Variants in PKNOX1 observed in about 807,000 individuals in gnomAD.
PKNOX1 encodes the protein PBX/knotted 1 homeobox 1.
In PKNOX1, 15 loss-of-function variants were observed where a neutral mutation model predicts 51.9. The ratio of observed to expected loss-of-function variants is 0.29; its 90% CI spans 0.19 to 0.45. The LOEUF is 0.45. Among genes scored for constraint, PKNOX1 ranks in the 20% least tolerant of loss-of-function variants. The probability of loss-of-function intolerance (pLI) is 1.00; values close to 1 mark genes in which losing one functional copy is unlikely to be tolerated. For synonymous variants in PKNOX1, 219 were observed against 211.1 expected (o/e 1.04, Z -0.32); for missense variants, 462 against 547.5 (o/e 0.84, Z 1.56).
chr21:43,008,703 C>T (rs750788013), intron 3 of PKNOX1, among the ~76,000 whole-genome samples: 4 of 151,842 alleles, frequency 2.6e-5, no homozygotes, highest in Non-Finnish European at 4.4e-5. Context: ...CACTTGAACC[C>T]GGTAGGCGGA....
At chr21:43,003,419 C>T (rs560809937) in intron 1 of PKNOX1, among the ~76,000 whole-genome samples, 3 of 152,162 alleles carry the variant, frequency 2.0e-5, no homozygotes, top group South Asian at 2.1e-4. Flanking sequence ...GTCTTATGTG[C>T]GTGTGTATAT....
chr21:42,974,921 A>T (rs1318511862), intron 1 of PKNOX1, among the ~76,000 whole-genome samples: 1 of 137,070 alleles, frequency 7.3e-6, no homozygotes, highest in Non-Finnish European at 1.6e-5. Context: ...GGGCGCGCCC[A>T]GTTGGTTTCT....
Position 43,014,070 on chromosome 21 carries a change from G to GGAGT in PKNOX1, c.522+834_522+837dup, listed in dbSNP as rs578129944. The stretch of plus-strand genomic sequence containing the variant: ...AGAGTCTCGCTCCATCACCCAGGCT[G>GGAGT]GAGTGCAGTGGCGCGATCTCGGCTT... On this transcript the variant is annotated intron_variant, in intron 5 of 10. Coordinates refer to ENST00000291547, the MANE Select transcript of PKNOX1 (RefSeq NM_004571.5). 7.1e-3 allele frequency among the ~76,000 whole-genome samples: 958 copies of GGAGT among 135,384 alleles called. 5 individuals are homozygous for GGAGT. The highest frequency in any genetic ancestry group is 0.026 in the Middle Eastern group (6 of 232). The allele number at this position is 135,384 out of a possible 152,430, so 88.8% of individuals were successfully genotyped here. A position where few individuals can be genotyped will look rare whatever the true frequency, so the allele number is the denominator to read the frequency against.
intron 5 of PKNOX1, among the ~76,000 whole-genome samples, chr21:43,013,656 T>A (rs964917630): frequency 2.6e-5 from 4 of 152,126 alleles, no homozygotes; most frequent in Non-Finnish European, 5.9e-5. Context: ...AACTTTCTCA[T>A]CTTCTCAAAC....
At chr21:42,980,585 C>T (rs1200633888) in intron 1 of PKNOX1, among the ~76,000 whole-genome samples, 5 of 152,056 alleles carry the variant, frequency 3.3e-5, no homozygotes, top group African/African-American at 9.7e-5. Flanking sequence ...GTTTGCTTGG[C>T]CTCTGGGGGC....
chr21:43,023,629 AT>A (rs11414878), intron 8 of PKNOX1, among the ~76,000 whole-genome samples: 29 of 147,972 alleles, frequency 2.0e-4, no homozygotes, highest in Middle Eastern at 3.4e-3. Context: ...TTCTGATTGG[AT>A]TTTTTTTTTT....
intron 9 of PKNOX1, 115 bp from the exon 10 acceptor site, chr21:43,028,587 G>A (rs1485626836): frequency 1.1e-6 from 1 of 919,270 alleles, no homozygotes; most frequent in African/African-American, 1.6e-5. Flanking sequence ...GAGAACTTGA[G>A]TCATTCTTTG....
At position 43,021,513 on chromosome 21, in the gene PKNOX1, C is replaced by T. The variant is rs1979753691; in HGVS notation, c.849+82C>T. On this transcript the variant is annotated intron_variant, in intron 8 of 10. Transcript: ENST00000291547. This position sits in a 1 kb window ranked among gnomAD's most constrained non-coding sequence, Gnocchi z 4.6. ...GCTTATGTGTCATGGAAAAGGGTTA[C>T]TTCTCTGGGCTCAGAAAATCAAAGG... 1.4e-6 allele frequency: 2 copies of T among 1,435,340 alleles called. No homozygotes were observed. Among genetic ancestry groups the T allele is most frequent in the Non-Finnish European group, 9.4e-7 (1 of 1,069,070 alleles). The allele number at this position is 1,435,340 out of a possible 1,614,324, so 88.9% of individuals were successfully genotyped here. A position where few individuals can be genotyped will look rare whatever the true frequency, so the allele number is the denominator to read the frequency against.
chr21:43,031,956 T>G lies in PKNOX1; in HGVS notation c.*1855T>G, dbSNP rs189999648. 4 of 311,888 alleles carry G rather than the reference T, an allele frequency of 1.3e-5. No individual in the cohort carries two copies. Among genetic ancestry groups the G allele is most frequent in the Admixed American group, 7.9e-5 (2 of 25,296 alleles). The allele number at this position is 311,888 out of a possible 1,614,324, so 19.3% of individuals were successfully genotyped here. On this transcript the variant is annotated 3_prime_UTR_variant, in exon 11 of 11. Coordinates refer to ENST00000291547, the MANE Select transcript of PKNOX1 (RefSeq NM_004571.5). ...AGCTCACTGCAACCTCCACCTCTTA[T>G]GTTCAAGCAATTCTCCTTCCTTAGC...
chr21:42,982,924 C>T (rs926499106), intron 1 of PKNOX1, among the ~76,000 whole-genome samples: 4 of 151,794 alleles, frequency 2.6e-5, no homozygotes, highest in Non-Finnish European at 4.4e-5. Flanking sequence ...ATTCTCCTGC[C>T]TCAGCCTACT....
chr21:42,993,742 TTTTTTTTTGA>T (rs753877264), intron 1 of PKNOX1, among the ~76,000 whole-genome samples: 1 of 91,072 alleles, frequency 1.1e-5, no homozygotes, highest in African/African-American at 4.3e-5. Context: ...TTTCTTTTTT[TTTTTTTTTGA>T]AACAGAGTCT....
chr21:42,994,455 G>T (rs1424445663), intron 1 of PKNOX1, among the ~76,000 whole-genome samples: 1 of 147,596 alleles, frequency 6.8e-6, no homozygotes, highest in African/African-American at 2.5e-5. Flanking sequence ...AGTATTACAG[G>T]CACGTGCCAC....
intron 1 of PKNOX1, among the ~76,000 whole-genome samples, chr21:42,992,140 T>C (rs2059091085): frequency 6.6e-6 from 1 of 152,248 alleles, no homozygotes; most frequent in African/African-American, 2.4e-5. Flanking sequence ...GCTCACCCTG[T>C]GTTTCCCATT....
At position 42,974,564 on chromosome 21, in the gene PKNOX1, G is replaced by A. The variant is rs1010665047; in HGVS notation, c.-157G>A. On this transcript the variant is annotated 5_prime_UTR_variant, in exon 1 of 11. Coordinates refer to ENST00000291547, the MANE Select transcript of PKNOX1 (RefSeq NM_004571.5). The stretch of plus-strand genomic sequence containing the variant: ...CCCTCCTCCCATTGAGCGAGGCTGT[G>A]TCGCGTGGCCCAGCGTCGGCGTGAC... 1.6e-4 allele frequency: 25 copies of A among 152,234 alleles called. No individual in the cohort carries two copies. Among genetic ancestry groups the A allele is most frequent in the African/African-American group, 4.8e-4 (20 of 41,412 alleles). 9.4% of individuals were successfully genotyped at this position (152,234 alleles called of 1,614,324 possible). A position where few individuals can be genotyped will look rare whatever the true frequency, so the allele number is the denominator to read the frequency against.
At chr21:42,995,873 A>C (rs1268966246) in intron 1 of PKNOX1, among the ~76,000 whole-genome samples, 1 of 152,184 alleles carries the variant, frequency 6.6e-6, no homozygotes, top group African/African-American at 2.4e-5. Flanking sequence ...CTTGTATTTT[A>C]GAGCTTTTTC....
intron 1 of PKNOX1, among the ~76,000 whole-genome samples, chr21:42,980,308 G>A (rs1248061536): frequency 1.3e-5 from 2 of 151,914 alleles, no homozygotes; most frequent in African/African-American, 4.8e-5. Flanking sequence ...GGAGGTGGAG[G>A]TTGCAGTGAG....
At chr21:43,026,816 CG>C (rs1341449173) in intron 9 of PKNOX1, among the ~76,000 whole-genome samples, 1 of 141,508 alleles carries the variant, frequency 7.1e-6, no homozygotes, top group Non-Finnish European at 1.5e-5. Flanking sequence ...TCCCAGGTCT[CG>C]CTGGGGTTGT....
chr21:43,030,259 A>T lies in PKNOX1; in HGVS notation c.*158A>T. ...CTTTGCCGGTGCAGCGACTTCTTTC[A>T]AGTGTGTGTGTGTGTGTGTGTGTGT... is the stretch of plus-strand genomic sequence containing the variant. On this transcript the variant is annotated 3_prime_UTR_variant, in exon 11 of 11. Coordinates refer to ENST00000291547, the MANE Select transcript of PKNOX1 (RefSeq NM_004571.5). The T allele has an allele frequency of 2.0e-6, 1 of 500,810 alleles. No individual in the cohort carries two copies. Among genetic ancestry groups the T allele is most frequent in the Non-Finnish European group, 3.4e-6 (1 of 293,334 alleles). The allele number at this position is 500,810 out of a possible 1,614,324, so 31.0% of individuals were successfully genotyped here.
chr21:42,994,308 C>T (rs1258614498), intron 1 of PKNOX1, among the ~76,000 whole-genome samples: 6 of 146,696 alleles, frequency 4.1e-5, no homozygotes, highest in South Asian at 2.2e-4. Flanking sequence ...TCCCAAAGTG[C>T]TGGGATTACA....
Sources: gnomAD v4.1 joint callset for allele counts (sites outside exome capture counted in the v4.1 genomes callset) on GRCh38, gnomAD v4.1.1 for gene constraint, Gnocchi (gnomAD v3.1) non-coding constraint, MANE v1.5 for transcripts, NCBI Gene and HGNC (gene_info 2026-07-23, HGNC 2026-07-21) for gene names.